Variants in GABRB1 observed in about 807,000 individuals in gnomAD.
GABRB1 encodes the protein gamma-aminobutyric acid receptor subunit beta-1.
In GABRB1, 17 loss-of-function variants were observed where a neutral mutation model predicts 51.6. That is an observed-to-expected ratio of 0.33 (90% CI 0.23 to 0.49). The LOEUF (loss-of-function observed/expected upper bound fraction) is 0.49. Among genes scored for constraint, GABRB1 ranks in the 20% least tolerant of loss-of-function variants. GABRB1 has a pLI of 0.99. For missense variants in GABRB1, 410 were observed against 600.6 expected (o/e 0.68, Z 3.32); for synonymous variants, 247 against 218.9 (o/e 1.13, Z -1.14).
At chr4:47,286,987 G>A (rs1003525802) in intron 4 of GABRB1, among the ~76,000 whole-genome samples, 2 of 151,860 alleles carry the variant, frequency 1.3e-5, no homozygotes, top group African/African-American at 4.8e-5. Context: ...ATGGCTGGGG[G>A]ATTTGTTGCC....
chr4:47,219,100 GA>G (rs1324385545), intron 4 of GABRB1, among the ~76,000 whole-genome samples: 4 of 151,782 alleles, frequency 2.6e-5, no homozygotes, highest in African/African-American at 9.7e-5. Context: ...TCTTCATTTT[GA>G]AAAGAAGAGT....
intron 3 of GABRB1, 84 bp from the exon 4 acceptor site, chr4:47,161,165 T>C (rs767875946): frequency 2.2e-6 from 2 of 927,110 alleles, no homozygotes; most frequent in South Asian, 1.6e-5. Context: ...TGTAATCTCT[T>C]ACAGGACATC....
chr4:47,262,524 C>A (rs1243502729), intron 4 of GABRB1, among the ~76,000 whole-genome samples: 5 of 152,052 alleles, frequency 3.3e-5, no homozygotes, highest in Admixed American at 3.3e-4. Context: ...GAATGGCGAT[C>A]ATTAAAAAGT....
In GABRB1 at chr4:47,403,715, A is replaced by G; in HGVS notation, c.835+4A>G. ...TCTGCAGCCAGAGTCGCACTAGGTA[A>G]TACATTCTCAGCACTGCAGAGAGCT... On this transcript the variant is annotated splice_donor_region_variant and intron_variant, in intron 7 of 8. Coordinates refer to ENST00000295454, the MANE Select transcript of GABRB1 (RefSeq NM_000812.4). 1 of 1,611,586 alleles carries G rather than the reference A, an allele frequency of 6.2e-7. No homozygotes were observed. Among genetic ancestry groups the G allele is most frequent in the Non-Finnish European group, 8.5e-7 (1 of 1,179,792 alleles).
At chr4:47,417,638 C>T (rs1473824894) in intron 8 of GABRB1, among the ~76,000 whole-genome samples, 1 of 152,196 alleles carries the variant, frequency 6.6e-6, no homozygotes, top group Non-Finnish European at 1.5e-5. Context: ...TAGTTGGCTT[C>T]ATTAAGTAGA....
At chr4:47,116,609 G>T (rs1467515811) in intron 3 of GABRB1, among the ~76,000 whole-genome samples, 2 of 152,038 alleles carry the variant, frequency 1.3e-5, no homozygotes, top group East Asian at 1.9e-4. Flanking sequence ...AAAATAAAAG[G>T]TATACATTTA....
At chr4:47,358,240 A>C (rs894510479) in intron 5 of GABRB1, among the ~76,000 whole-genome samples, 1 of 152,106 alleles carries the variant, frequency 6.6e-6, no homozygotes, top group Non-Finnish European at 1.5e-5. Context: ...ATAGGTAGTT[A>C]TATTAGTTGT....
intron 4 of GABRB1, among the ~76,000 whole-genome samples, chr4:47,216,479 C>G (rs1354268143): frequency 6.6e-6 from 1 of 151,914 alleles, no homozygotes; most frequent in African/African-American, 2.4e-5. Context: ...CTTTGAACCC[C>G]ATTTAGCATC....
chr4:47,299,393 G>GA (rs1313771514), intron 4 of GABRB1, among the ~76,000 whole-genome samples: 4 of 152,006 alleles, frequency 2.6e-5, no homozygotes, highest in East Asian at 3.9e-4. Flanking sequence ...AAATTTACAA[G>GA]AAAAAAACAA....
rs190957849 is a variant in GABRB1, at chr4:47,280,155, T to G, written c.462-39972T>G. Among the ~76,000 whole-genome samples, 22 of 152,120 alleles carry G rather than the reference T, an allele frequency of 1.4e-4. No individual in the cohort carries two copies. In the East Asian group the frequency reaches 3.5e-3, roughly 24 times the overall value. ...TGCTTTGAAATCTTTATCTTTTGTG[T>G]AGCTACAGAGGATTTTTCTTTTGTG... On this transcript the variant is annotated intron_variant, in intron 4 of 8. Coordinates refer to ENST00000295454, the MANE Select transcript of GABRB1 (RefSeq NM_000812.4).
At chr4:47,339,569 GTA>G (rs1553876407) in intron 5 of GABRB1, among the ~76,000 whole-genome samples, 15 of 141,134 alleles carry the variant, frequency 1.1e-4, no homozygotes, top group African/African-American at 4.0e-4. Context: ...GTGTGTGTGT[GTA>G]ATGCTTTTAT....
chr4:47,016,003 T>A (rs1724731046), intron 1 of GABRB1, among the ~76,000 whole-genome samples: 1 of 152,170 alleles, frequency 6.6e-6, no homozygotes, highest in Non-Finnish European at 1.5e-5. Flanking sequence ...GGACTAGACC[T>A]TGAAAGTTCA....
rs530970977 is a variant in GABRB1 at position 47,011,989 on chromosome 4, C to A, written c.-20+18063C>A. Among the ~76,000 whole-genome samples, 5 of 152,164 alleles carry A rather than the reference C, an allele frequency of 3.3e-5. No individual in the cohort carries two copies. In the South Asian group the frequency reaches 1.0e-3, roughly 32 times the overall value. On this transcript the variant is annotated intron_variant, in intron 1 of 3. Coordinates refer to the GABRB1 transcript ENST00000513567. ...ATTCTAACATTTGTCAAAATTGATT[C>A]AGAATTTAAAAATAAATTAATAAAA...
intron 4 of GABRB1, among the ~76,000 whole-genome samples, chr4:47,218,893 T>A (rs1186231090): frequency 6.6e-6 from 1 of 151,850 alleles, no homozygotes; most frequent in Non-Finnish European, 1.5e-5. Flanking sequence ...TTTCTACATC[T>A]AAGAATACAT....
chr4:47,254,785 A>G (rs1238578894), intron 4 of GABRB1, among the ~76,000 whole-genome samples: 1 of 152,192 alleles, frequency 6.6e-6, no homozygotes, highest in Non-Finnish European at 1.5e-5. Context: ...TGGGAGAGAC[A>G]TTATTATATA....
At chr4:47,291,226 G>A (rs993332840) in intron 4 of GABRB1, among the ~76,000 whole-genome samples, 8 of 152,182 alleles carry the variant, frequency 5.3e-5, no homozygotes, top group Non-Finnish European at 7.4e-5. Flanking sequence ...TCCAGAGGAC[G>A]GAAGCCCCAG....
chr4:47,404,504 CA>C (rs1374591655), intron 7 of GABRB1, among the ~76,000 whole-genome samples: 1 of 125,170 alleles, frequency 8.0e-6, no homozygotes, highest in Non-Finnish European at 1.7e-5. Context: ...CACACACACA[CA>C]CACACACACA....
chr4:47,052,676 T>C (rs181532087), intron 3 of GABRB1, among the ~76,000 whole-genome samples: 205 of 152,340 alleles, frequency 1.3e-3, no homozygotes, highest in African/African-American at 4.6e-3. Flanking sequence ...GTCTTCTTGC[T>C]GGCTCTGCTG....
chr4:47,206,280 C>T (rs1434840220), intron 4 of GABRB1, among the ~76,000 whole-genome samples: 1 of 151,972 alleles, frequency 6.6e-6, no homozygotes, highest in Non-Finnish European at 1.5e-5. Context: ...TTCATGGAAG[C>T]TCTAAATCCT....
Sources: gnomAD v4.1 joint callset for allele counts (sites outside exome capture counted in the v4.1 genomes callset) on GRCh38, gnomAD v4.1.1 for gene constraint, MANE v1.5 for transcripts, NCBI Gene and HGNC (gene_info 2026-07-23, HGNC 2026-07-21) for gene names.